Variants in PRKACB observed in about 807,000 individuals in gnomAD.
The protein encoded by PRKACB is protein kinase cAMP-activated catalytic subunit beta, also known as cAMP-dependent protein kinase catalytic subunit beta.
A neutral mutation model predicts 51.4 loss-of-function variants in PRKACB; 16 were observed. The ratio of observed to expected loss-of-function variants is 0.31; its 90% CI spans 0.21 to 0.47. PRKACB has a LOEUF of 0.47. PRKACB is among the 20% of genes least tolerant of loss of function. The pLI is 1.00. For synonymous variants in PRKACB, 147 were observed against 154.4 expected (o/e 0.95, Z 0.35); for missense variants, 309 against 464.5 (o/e 0.67, Z 3.08).
chr1:84,217,735 G>A (rs1177616871), intron 9 of PRKACB, among the ~76,000 whole-genome samples: 1 of 152,178 alleles, frequency 6.6e-6, no homozygotes, highest in East Asian at 1.9e-4. Context: ...CAAGGCTGCA[G>A]TGAGCCATGA....
intron 9 of PRKACB, 104 bp downstream of exon 9, chr1:84,214,421 T>C: frequency 8.9e-7 from 1 of 1,125,324 alleles, no homozygotes; most frequent in Non-Finnish European, 1.2e-6. Flanking sequence ...TTTTTTTACC[T>C]TTTGAATTAA....
At chr1:84,114,603 T>C (rs1289330304) in intron 1 of PRKACB, among the ~76,000 whole-genome samples, 3 of 152,200 alleles carry the variant, frequency 2.0e-5, no homozygotes, top group Non-Finnish European at 2.9e-5. Flanking sequence ...TATTCTGCTA[T>C]CAAACATTGA....
chr1:84,119,694 C>G, intron 1 of PRKACB, among the ~76,000 whole-genome samples: 1 of 152,116 alleles, frequency 6.6e-6, no homozygotes, highest in Admixed American at 6.6e-5. Context: ...TGTAAAATTC[C>G]TGGGGAAAGG....
chr1:84,087,444 T>C (rs948697680), intron 1 of PRKACB, among the ~76,000 whole-genome samples: 3 of 152,204 alleles, frequency 2.0e-5, no homozygotes, highest in African/African-American at 4.8e-5. Flanking sequence ...ACAATAAATG[T>C]ATTTAACTGA....
intron 9 of PRKACB, among the ~76,000 whole-genome samples, chr1:84,221,054 T>C (rs79188674): frequency 0.018 from 2,699 of 152,272 alleles, 38 homozygotes; most frequent in Non-Finnish European, 0.027. Context: ...AATTGAGCAG[T>C]AAAGCCATGC....
At chr1:84,196,118 G>A (rs1208600846) in intron 5 of PRKACB, among the ~76,000 whole-genome samples, 1 of 151,994 alleles carries the variant, frequency 6.6e-6, no homozygotes, top group African/African-American at 2.4e-5. Context: ...TGTCATTTTT[G>A]TAACAGGAAC....
At chr1:84,089,884 T>C (rs955678291) in intron 1 of PRKACB, among the ~76,000 whole-genome samples, 1 of 152,170 alleles carries the variant, frequency 6.6e-6, no homozygotes, top group African/African-American at 2.4e-5. Context: ...CCATCAGTCC[T>C]CTCACTTTCA....
chr1:84,173,313 ATTC>A, intron 1 of PRKACB: 1 of 1,561,212 alleles, frequency 6.4e-7, no homozygotes, highest in Non-Finnish European at 8.7e-7. Flanking sequence ...ATCTCTGTTT[ATTC>A]TTTTTGATCA....
intron 1 of PRKACB, among the ~76,000 whole-genome samples, chr1:84,174,326 A>C (rs74475618): frequency 1.3e-5 from 2 of 151,930 alleles, no homozygotes; most frequent in Non-Finnish European, 2.9e-5. Flanking sequence ...TTATCTTTCA[A>C]GATTCAGCAC....
intron 2 of PRKACB, 106 bp downstream of exon 2, chr1:84,179,344 G>C: frequency 7.8e-7 from 1 of 1,285,246 alleles, no homozygotes; most frequent in Non-Finnish European, 1.0e-6. Flanking sequence ...TTCATGTGGT[G>C]TTAGTAAACA....
intron 3 of PRKACB, among the ~76,000 whole-genome samples, chr1:84,183,111 A>G (rs866614668): frequency 6.6e-6 from 1 of 151,960 alleles, no homozygotes; most frequent in African/African-American, 2.4e-5. Context: ...TACTTTTGTT[A>G]TTTATATTTA....
At chr1:84,119,081 A>G (rs1426897260) in intron 1 of PRKACB, among the ~76,000 whole-genome samples, 2 of 152,068 alleles carry the variant, frequency 1.3e-5, no homozygotes, top group South Asian at 4.1e-4. Context: ...TTAGATTTAT[A>G]TATTTTTCTC....
chr1:84,101,043 G>A (rs1053744549), intron 1 of PRKACB, among the ~76,000 whole-genome samples: 9 of 152,222 alleles, frequency 5.9e-5, no homozygotes, highest in East Asian at 1.9e-4. Context: ...AACTCATTAC[G>A]CTGTAAGGCT....
At chr1:84,140,280 G>C (rs139659350), upstream of PRKACB, among the ~76,000 whole-genome samples, 3 of 152,266 alleles carry the variant, frequency 2.0e-5, no homozygotes, top group Non-Finnish European at 4.4e-5. Context: ...TATATAAATT[G>C]TGGTAATTCC....
At chr1:84,222,867 C>G (rs112027558) in intron 9 of PRKACB, among the ~76,000 whole-genome samples, 6 of 152,128 alleles carry the variant, frequency 3.9e-5, no homozygotes, top group African/African-American at 1.4e-4. Flanking sequence ...CAGGGTCTCC[C>G]CTGAGAAATC....
At chr1:84,193,043 C>T (rs1303042405) in intron 5 of PRKACB, among the ~76,000 whole-genome samples, 2 of 152,110 alleles carry the variant, frequency 1.3e-5, no homozygotes, top group South Asian at 4.1e-4. Flanking sequence ...CTCATCCAAA[C>T]CTCAAAACTG....
intron 5 of PRKACB, among the ~76,000 whole-genome samples, chr1:84,185,642 T>G (rs1463399127): frequency 6.6e-6 from 1 of 152,022 alleles, no homozygotes; most frequent in Non-Finnish European, 1.5e-5. Context: ...CTTAAAGTTC[T>G]TGCTAAGTTT....
intron 3 of PRKACB, among the ~76,000 whole-genome samples, chr1:84,183,352 G>A (rs1031964530): frequency 3.3e-5 from 5 of 152,042 alleles, no homozygotes; most frequent in Middle Eastern, 3.4e-3. Context: ...GGAAGCTTAA[G>A]TCTAAATGAC....
At chr1:84,134,218 T>C (rs1464335424) in intron 1 of PRKACB, among the ~76,000 whole-genome samples, 10 of 152,164 alleles carry the variant, frequency 6.6e-5, no homozygotes, top group Admixed American at 1.3e-4. Context: ...TCAGGGGTTT[T>C]TATGGGTATA....
Sources: allele counts gnomAD v4.1 joint callset (sites outside exome capture counted in the v4.1 genomes callset), GRCh38; gene constraint gnomAD v4.1.1; transcripts MANE v1.5; gene names NCBI Gene and HGNC (gene_info 2026-07-23, HGNC 2026-07-21).